The following CLCN4 variants were observed in gnomAD, a reference collection of about 807,000 sequenced individuals.
The protein encoded by CLCN4 is H(+)/Cl(-) exchange transporter 4.
Under a neutral mutation model 41.7 loss-of-function variants are expected in CLCN4, and 1 was observed. That is an observed-to-expected ratio of 0.02 (90% CI 0.01 to 0.11). The LOEUF is 0.11. Among genes scored for constraint, CLCN4 ranks in the 10% least tolerant of loss-of-function variants. The probability of loss-of-function intolerance (pLI) is 1.00; values close to 1 mark genes in which losing one functional copy is unlikely to be tolerated. For synonymous variants in CLCN4, 277 were observed against 285.8 expected (o/e 0.97, Z 0.31); for missense variants, 287 against 661.0 (o/e 0.43, Z 6.20).
At position 10,213,631 on chromosome X, in the gene CLCN4, T is replaced by C. The variant is rs771833355; in HGVS notation, c.1577-50T>C. 84 of 1,111,888 alleles carry C rather than the reference T, an allele frequency of 7.6e-5. 1 individual carries two copies. The South Asian group carries it at 1.6e-3, about 21-fold the overall frequency. The allele number at this position is 1,111,888 out of a possible 1,213,427, so 91.6% of individuals were successfully genotyped here. The stretch of plus-strand genomic sequence containing the variant: ...TCATTTTCCCCAAATCATGCTTCCG[T>C]GAGCTGCCCGGCTTGCACTTTGGAA... On this transcript the variant is annotated intron_variant, in intron 10 of 12. Transcript: ENST00000380833.
At chrX:10,179,259 A>G (rs5934800) in intron 2 of CLCN4, among the ~76,000 whole-genome samples, 37,447 of 110,187 alleles carry the variant, frequency 0.34, 5,003 homozygotes, top group African/African-American at 0.48. Flanking sequence ...GTGCTGTTTC[A>G]TTCCCTGTGC....
chrX:10,184,192 C>T lies in CLCN4; in HGVS notation c.-11-830C>T, dbSNP rs1282688685. Among the ~76,000 whole-genome samples the T allele has an allele frequency of 2.7e-5, 3 of 112,441 alleles. No homozygotes were observed. The Admixed American group carries it at 2.8e-4, about 11-fold the overall frequency. ...ATTTTCATTTAAACCCTATTTGCCC[C>T]TCCAGCCCTGTCATTTGGACACCTT... is the stretch of plus-strand genomic sequence containing the variant. On this transcript the variant is annotated intron_variant, in intron 2 of 12. Coordinates refer to ENST00000380833, the MANE Select transcript of CLCN4 (RefSeq NM_001830.4).
chrX:10,221,548 G>T (rs1239071969), intron 12 of CLCN4, among the ~76,000 whole-genome samples: 3 of 111,606 alleles, frequency 2.7e-5, no homozygotes, highest in Non-Finnish European at 5.6e-5. Flanking sequence ...TACTTGGGAG[G>T]CTGAGACAGG....
chrX:10,211,180 C>T (rs1924537912), intron 9 of CLCN4, among the ~76,000 whole-genome samples: 1 of 97,803 alleles, frequency 1.0e-5, no homozygotes, highest in Non-Finnish European at 2.0e-5. Flanking sequence ...GCATAAGAAT[C>T]ACTTGAACGC....
In CLCN4 at chrX:10,174,841, C is replaced by A. The variant is rs192580799; in HGVS notation, c.-11-10181C>A. Among the ~76,000 whole-genome samples, 288 of 112,228 alleles carry A rather than the reference C, an allele frequency of 2.6e-3. 3 individuals carry two copies. Among genetic ancestry groups the A allele is most frequent in the African/African-American group, 8.7e-3 (270 of 30,870 alleles). On this transcript the variant is annotated intron_variant, in intron 2 of 12. Transcript: ENST00000380833. Reference sequence around the variant, plus strand: ...TTTTGTCCCCTCCCCAGTCCCCTCACCTCCCTGCCCCTCAGAATACTCTCC... The same window carrying A: ...TTTTGTCCCCTCCCCAGTCCCCTCAACTCCCTGCCCCTCAGAATACTCTCC...
intron 2 of CLCN4, among the ~76,000 whole-genome samples, chrX:10,162,013 CTTTTTTTT>C (rs34007951): frequency 2.6e-4 from 16 of 61,546 alleles, no homozygotes; most frequent in Non-Finnish European, 3.9e-4. Context: ...CCAGTTGAGT[CTTTTTTTT>C]TTTTTTTTTT....
intron 3 of CLCN4, 119 bp from the exon 4 acceptor site, chrX:10,187,396 G>A (rs1185415529): frequency 2.6e-5 from 14 of 540,546 alleles, no homozygotes; most frequent in Non-Finnish European, 4.1e-5. Flanking sequence ...GAATTTAGCT[G>A]CTTGATGACA....
chrX:10,159,177 G>C (rs944252226), intron 2 of CLCN4, among the ~76,000 whole-genome samples: 23 of 111,539 alleles, frequency 2.1e-4, no homozygotes, highest in African/African-American at 6.5e-4. Flanking sequence ...AAAAAAGAAC[G>C]GTATCCAATA....
At chrX:10,197,268 G>A (rs774436561) in intron 5 of CLCN4, among the ~76,000 whole-genome samples, 3 of 112,270 alleles carry the variant, frequency 2.7e-5, no homozygotes, top group African/African-American at 9.7e-5. Context: ...AAGTGATCAC[G>A]TTTTTCTTCT....
intron 4 of CLCN4, among the ~76,000 whole-genome samples, chrX:10,194,287 C>T (rs1924040841): frequency 8.9e-6 from 1 of 111,757 alleles, no homozygotes; most frequent in African/African-American, 3.3e-5. Flanking sequence ...GACCCAAGGC[C>T]GCCTTTTGTG....
intron 3 of CLCN4, 80 bp from the exon 4 acceptor site, chrX:10,187,435 T>C (rs1923841474): frequency 2.8e-6 from 2 of 709,209 alleles, no homozygotes; most frequent in African/African-American, 2.1e-5. Flanking sequence ...TTACCCTGTT[T>C]CCCGAGGAAA....
intron 4 of CLCN4, among the ~76,000 whole-genome samples, chrX:10,193,961 G>GT (rs35321602): frequency 0.16 from 16,247 of 99,320 alleles, 1,691 homozygotes; most frequent in East Asian, 0.77. Context: ...AACAGGGAGG[G>GT]TTTTTTTTTT....
At chrX:10,206,906 G>GTTTTGTTTTGT (rs1924407105) in intron 8 of CLCN4, 130 bp downstream of exon 8, 1 of 434,797 alleles carries the variant, frequency 2.3e-6, no homozygotes, top group African/African-American at 2.9e-5. Context: ...TTTTTTTTTT[G>GTTTTGTTTTGT]TTTTGTTTTT....
At chrX:10,165,271 T>C (rs1260386222) in intron 2 of CLCN4, among the ~76,000 whole-genome samples, 1 of 112,821 alleles carries the variant, frequency 8.9e-6, no homozygotes, top group Non-Finnish European at 1.9e-5. Flanking sequence ...TGAAAGTAGA[T>C]GTGAGACCGG....
intron 2 of CLCN4, among the ~76,000 whole-genome samples, chrX:10,181,542 A>G (rs1259541753): frequency 9.0e-6 from 1 of 111,300 alleles, no homozygotes; most frequent in Non-Finnish European, 1.9e-5. Flanking sequence ...TTCAAGGTAG[A>G]AGAGAAAAGC....
At chrX:10,227,281 A>G (rs1035403206) in intron 12 of CLCN4, among the ~76,000 whole-genome samples, 1 of 111,650 alleles carries the variant, frequency 9.0e-6, no homozygotes, top group African/African-American at 3.3e-5. Flanking sequence ...TCATCACACA[A>G]GCAGAATGAA....
chrX:10,187,700 T>C (rs1923850257), intron 4 of CLCN4, 86 bp downstream of exon 4: 7 of 740,738 alleles, frequency 9.5e-6, no homozygotes, highest in Non-Finnish European at 1.1e-5. Flanking sequence ...ATTTGGAATA[T>C]AGCGCGTGTC....
chrX:10,231,358 A>G (rs16986019), intron 12 of CLCN4, among the ~76,000 whole-genome samples: 4,284 of 111,705 alleles, frequency 0.038, 73 homozygotes, highest in African/African-American at 0.062. Context: ...ATGATGATGT[A>G]AAATTAACAG....
At chrX:10,185,595 T>C (rs1320326130) in intron 3 of CLCN4, among the ~76,000 whole-genome samples, 1 of 111,963 alleles carries the variant, frequency 8.9e-6, no homozygotes, top group Non-Finnish European at 1.9e-5. Context: ...ATCATTTAGG[T>C]TCGGTTAGGG....
Sources: gnomAD v4.1 joint callset for allele counts (sites outside exome capture counted in the v4.1 genomes callset) on GRCh38, gnomAD v4.1.1 for gene constraint, MANE v1.5 for transcripts, NCBI Gene and HGNC (gene_info 2026-07-23, HGNC 2026-07-21) for gene names.